The following RANBP17 variants were observed in gnomAD, a reference collection of about 807,000 sequenced individuals.
The protein encoded by RANBP17 is RAN binding protein 17.
RANBP17 carries 158 observed loss-of-function variants against 141.2 expected under a neutral mutation model. The ratio of observed to expected loss-of-function variants is 1.12; its 90% CI spans 0.98 to 1.28. The LOEUF (loss-of-function observed/expected upper bound fraction) is 1.28, where lower values mean the gene tolerates loss of function less well. Ranked by LOEUF, RANBP17 falls within the 50% of genes most tolerant of loss-of-function variation. The probability of loss-of-function intolerance (pLI) is 0.00; values close to 1 mark genes in which losing one functional copy is unlikely to be tolerated. For synonymous variants in RANBP17, 430 were observed against 450.0 expected, an observed-to-expected ratio of 0.96 and a Z score of 0.56; for missense variants, 1,438 against 1,290.7, an observed-to-expected ratio of 1.11 and a Z score of -1.75.
chr5:170,885,803 C>G (rs1769091675), intron 3 of RANBP17, among the ~76,000 whole-genome samples: 1 of 151,488 alleles, frequency 6.6e-6, no homozygotes, highest in African/African-American at 2.4e-5. Flanking sequence ...ATGAAAACTA[C>G]CTATTAGGTT....
intron 22 of RANBP17, among the ~76,000 whole-genome samples, chr5:171,232,554 T>C (rs1021657707): frequency 6.6e-6 from 1 of 152,164 alleles, no homozygotes; most frequent in African/African-American, 2.4e-5. Context: ...AATCCAGCAA[T>C]GTTATTTCAA....
Position 171,241,042 on chromosome 5 carries a change from T to A in RANBP17, c.2537T>A (p.Val846Asp). 1 of 1,614,044 alleles carries A rather than the reference T, an allele frequency of 6.2e-7. No individual in the cohort carries two copies. Reference protein sequence around the residue: ...ALKSALCGNYVSFGVFKLYGD... With the variant: ...ALKSALCGNYDSFGVFKLYGD... ...AAGTCTGCCTTGTGTGGAAATTATG[T>A]CAGCTTTGGCGTCTTCAAGTTGTAT... The change falls in exon 23 of 28, where the codon GTC becomes GAC. Residue 846 changes from valine (V) to aspartate (D), a missense_variant. Coordinates refer to ENST00000523189, the MANE Select transcript of RANBP17 (RefSeq NM_022897.5).
intron 14 of RANBP17, among the ~76,000 whole-genome samples, chr5:171,036,789 G>C (rs1341834303): frequency 6.6e-6 from 1 of 152,124 alleles, no homozygotes; most frequent in Non-Finnish European, 1.5e-5. Context: ...TTATGGCTGT[G>C]TGGTATTCCA....
Position 171,265,626 on chromosome 5 carries a change from A to G in RANBP17, c.2777-55A>G, listed in dbSNP as rs564659355. On this transcript the variant is annotated intron_variant, in intron 24 of 27. Transcript: ENST00000523189. ...TTTTTAATGGAGCCGTTAGAAAATCAAATGGAGCAAAAACTTAAGTAATGC... is the reference window on the plus strand; with the variant it reads ...TTTTTAATGGAGCCGTTAGAAAATCGAATGGAGCAAAAACTTAAGTAATGC... 4 of 1,425,534 alleles carry G rather than the reference A, an allele frequency of 2.8e-6. No individual in the cohort carries two copies. The East Asian group carries it at 9.6e-5, about 34-fold the overall frequency. 88.3% of individuals were successfully genotyped at this position (1,425,534 alleles called of 1,614,324 possible).
intron 14 of RANBP17, among the ~76,000 whole-genome samples, chr5:171,060,516 C>G (rs1783746282): frequency 6.6e-6 from 1 of 152,080 alleles, no homozygotes; most frequent in Non-Finnish European, 1.5e-5. Flanking sequence ...ATGAAGCCCA[C>G]TTGATCATGG....
rs186310241 is a variant in RANBP17 at position 170,881,976 on chromosome 5, T to C, written c.256+80T>C. Reference sequence around the variant, plus strand: ...TAAATATACTAAACTGTTACTAGGATTGCAAATTTTTTATGTCTGTCATTT... The same window carrying C: ...TAAATATACTAAACTGTTACTAGGACTGCAAATTTTTTATGTCTGTCATTT... On this transcript the variant is annotated intron_variant, in intron 3 of 27. Transcript: ENST00000523189. 1.1e-3 allele frequency: 906 copies of C among 820,356 alleles called. 5 individuals are homozygous for C. The African/African-American group carries it at 0.014, about 13-fold the overall frequency. The allele number at this position is 820,356 out of a possible 1,614,324, so 50.8% of individuals were successfully genotyped here.
chr5:170,884,771 C>G (rs1233101772), intron 3 of RANBP17, among the ~76,000 whole-genome samples: 1 of 152,092 alleles, frequency 6.6e-6, no homozygotes, highest in Non-Finnish European at 1.5e-5. Context: ...GGTCCATGTC[C>G]TGAAAGAAGT....
intron 1 of RANBP17, chr5:170,866,870 A>T (rs1767309266): frequency 1.3e-5 from 2 of 152,300 alleles, no homozygotes; most frequent in South Asian, 4.1e-4. Context: ...AGTCCCAGCT[A>T]CTTAGGAGGC....
intron 14 of RANBP17, among the ~76,000 whole-genome samples, chr5:170,997,109 ATG>A (rs550407010): frequency 2.0e-4 from 31 of 152,142 alleles, no homozygotes; most frequent in Middle Eastern, 6.8e-3. Context: ...TGATGGTTTT[ATG>A]TGTTTGGTAG....
At chr5:171,023,453 T>C (rs1415667056) in intron 14 of RANBP17, among the ~76,000 whole-genome samples, 1 of 152,248 alleles carries the variant, frequency 6.6e-6, no homozygotes, top group East Asian at 1.9e-4. Context: ...TTTACACTTC[T>C]TTTCTTTGTA....
At chr5:171,039,245 GTT>G (rs57258448) in intron 14 of RANBP17, among the ~76,000 whole-genome samples, 6,867 of 125,222 alleles carry the variant, frequency 0.055, 161 homozygotes, top group Middle Eastern at 0.13. Flanking sequence ...TCTGTTGTTG[GTT>G]TTTTTTTTTT....
chr5:171,170,458 A>G (rs1362995757), intron 15 of RANBP17, among the ~76,000 whole-genome samples: 1 of 152,070 alleles, frequency 6.6e-6, no homozygotes, highest in African/African-American at 2.4e-5. Flanking sequence ...ATTTTAAAAG[A>G]TTTACAGACC....
chr5:171,062,676 C>T (rs1354911423), intron 14 of RANBP17, among the ~76,000 whole-genome samples: 1 of 152,074 alleles, frequency 6.6e-6, no homozygotes, highest in Non-Finnish European at 1.5e-5. Flanking sequence ...TTGTAGCGTT[C>T]TCTGTATTTC....
intron 14 of RANBP17, among the ~76,000 whole-genome samples, chr5:171,089,606 G>A (rs531677700): frequency 6.8e-4 from 104 of 152,250 alleles, no homozygotes; most frequent in African/African-American, 2.4e-3. Flanking sequence ...CTAGCAATCA[G>A]TGAGATTCCG....
intron 1 of RANBP17, among the ~76,000 whole-genome samples, chr5:170,869,322 A>AC (rs1206483068): frequency 9.0e-6 from 1 of 110,558 alleles, no homozygotes; most frequent in East Asian, 3.0e-4. Context: ...GGCTCACAAC[A>AC]CTTTTTTTTT....
intron 1 of RANBP17, among the ~76,000 whole-genome samples, chr5:170,866,677 CA>C (rs796168622): frequency 1.0e-3 from 124 of 122,456 alleles, no homozygotes; most frequent in Admixed American, 1.3e-3. Flanking sequence ...TCCATCTCAA[CA>C]AAAAAAAAAA....
At chr5:170,984,138 C>T (rs752126426) in intron 14 of RANBP17, among the ~76,000 whole-genome samples, 95 of 152,266 alleles carry the variant, frequency 6.2e-4, no homozygotes, top group Non-Finnish European at 9.0e-4. Context: ...ATAGCAGTCA[C>T]ATGCAGCCTA....
chr5:170,913,014 T>C (rs1771656913), intron 7 of RANBP17, among the ~76,000 whole-genome samples: 1 of 151,974 alleles, frequency 6.6e-6, no homozygotes, highest in Non-Finnish European at 1.5e-5. Flanking sequence ...AAGAAGGTAT[T>C]AGACTTCTCA....
At chr5:170,900,970 A>G (rs1001129734) in intron 5 of RANBP17, among the ~76,000 whole-genome samples, 4 of 152,204 alleles carry the variant, frequency 2.6e-5, no homozygotes, top group Non-Finnish European at 5.9e-5. Context: ...TGGTTGTGAG[A>G]AGAATGTATA....
Sources: gnomAD v4.1 joint callset for allele counts (sites outside exome capture counted in the v4.1 genomes callset) on GRCh38, gnomAD v4.1.1 for gene constraint, MANE v1.5 for transcripts, NCBI Gene and HGNC (gene_info 2026-07-23, HGNC 2026-07-21) for gene names.